Variants in STX18 observed in about 807,000 individuals in gnomAD.
STX18 encodes the protein syntaxin-18.
A neutral mutation model predicts 50.1 loss-of-function variants in STX18; 40 were observed. The ratio of observed to expected loss-of-function variants is 0.80; its 90% CI spans 0.62 to 1.04. The LOEUF (loss-of-function observed/expected upper bound fraction) is 1.04. Ranked by LOEUF, STX18 falls within the 50% of genes least tolerant of loss-of-function variation. The pLI, the probability that STX18 is intolerant of heterozygous loss-of-function variation, is 0.00. For synonymous variants in STX18, 158 were observed against 151.8 expected (o/e 1.04, Z -0.30); for missense variants, 410 against 415.8 (o/e 0.99, Z 0.12).
intron 5 of STX18, among the ~76,000 whole-genome samples, chr4:4,439,282 A>C (rs1577323177): frequency 8.4e-6 from 1 of 119,384 alleles, no homozygotes; most frequent in African/African-American, 6.0e-5. Flanking sequence ...ATAAACACAC[A>C]CACATATATA....
intron 1 of STX18, among the ~76,000 whole-genome samples, chr4:4,516,693 C>T (rs1422675364): frequency 1.3e-5 from 2 of 151,998 alleles, no homozygotes; most frequent in African/African-American, 2.4e-5. Context: ...TCTTGACTAA[C>T]GTGCTATGCA....
At chr4:4,475,767 A>G (rs1369925974) in intron 1 of STX18, among the ~76,000 whole-genome samples, 2 of 152,136 alleles carry the variant, frequency 1.3e-5, no homozygotes, top group Non-Finnish European at 2.9e-5. Flanking sequence ...GAGGTTAAGT[A>G]GTTGTATGCT....
At chr4:4,446,279 C>T (rs1226668201) in intron 5 of STX18, among the ~76,000 whole-genome samples, 1 of 152,006 alleles carries the variant, frequency 6.6e-6, no homozygotes, top group African/African-American at 2.4e-5. Flanking sequence ...AAAATAATAT[C>T]TTAGTGACCT....
chr4:4,524,187 T>C (rs1233657151), intron 1 of STX18, among the ~76,000 whole-genome samples: 1 of 152,226 alleles, frequency 6.6e-6, no homozygotes, highest in African/African-American at 2.4e-5. Flanking sequence ...TAATTCATTC[T>C]CAGAGATACC....
At chr4:4,433,126 T>G (rs1315089335) in intron 7 of STX18, among the ~76,000 whole-genome samples, 1 of 152,224 alleles carries the variant, frequency 6.6e-6, no homozygotes, top group Non-Finnish European at 1.5e-5. Context: ...GGCTTTAGTT[T>G]TTGTGCGTCA....
intron 7 of STX18, among the ~76,000 whole-genome samples, chr4:4,430,754 G>C (rs150793863): frequency 9.2e-5 from 14 of 152,316 alleles, no homozygotes; most frequent in African/African-American, 3.4e-4. Flanking sequence ...TGGTGGGAGG[G>C]AGTCACCATT....
Position 4,455,896 on chromosome 4 carries a change from A to G in STX18, c.497+1295T>C, listed in dbSNP as rs562178923. Among the ~76,000 whole-genome samples, 5 of 152,278 alleles carry G rather than the reference A, an allele frequency of 3.3e-5. No homozygotes were observed. In the South Asian group the frequency reaches 1.0e-3, roughly 32 times the overall value. On this transcript the variant is annotated intron_variant, in intron 5 of 10. Transcript: ENST00000306200. ...GTATCCTTTCAGTGTGACAAATCAT[A>G]GCCAGGAGCAGGACTGTATGTTGAG... is the stretch of plus-strand genomic sequence containing the variant.
intron 1 of STX18, among the ~76,000 whole-genome samples, chr4:4,536,262 A>G (rs1345814761): frequency 6.6e-6 from 1 of 152,264 alleles, no homozygotes; most frequent in Admixed American, 6.5e-5. Context: ...GAGACAGTAG[A>G]TTAACAGTTA....
At chr4:4,437,081 T>C (rs921189239) in intron 6 of STX18, among the ~76,000 whole-genome samples, 1 of 150,582 alleles carries the variant, frequency 6.6e-6, no homozygotes, top group Non-Finnish European at 1.5e-5. Context: ...TGCCTCAGCC[T>C]CCCCAGTAGC....
rs1724799236 is a variant in STX18 at position 4,419,414 on chromosome 4, A to ATTGAT, written c.*615_*619dup. 1 of 152,168 alleles carries ATTGAT rather than the reference A, an allele frequency of 6.6e-6. No individual in the cohort carries two copies. Among genetic ancestry groups the ATTGAT allele is most frequent in the Admixed American group, 6.5e-5 (1 of 15,282 alleles). The allele number at this position is 152,168 out of a possible 1,614,324, so 9.4% of individuals were successfully genotyped here. ...CTCCCCTGCATTTCTTCCCTGATTG[A>ATTGAT]TTGATAGGAGGTGGCTGGGCTGCCA... On this transcript the variant is annotated 3_prime_UTR_variant, in exon 11 of 11. Transcript: ENST00000306200.
chr4:4,439,298 A>G (rs1725972203), intron 5 of STX18, among the ~76,000 whole-genome samples: 2 of 149,564 alleles, frequency 1.3e-5, no homozygotes, highest in Non-Finnish European at 3.0e-5. Context: ...ATATACACAC[A>G]CATACCCACA....
chr4:4,482,047 G>T (rs1251002902), intron 1 of STX18, among the ~76,000 whole-genome samples: 2 of 151,880 alleles, frequency 1.3e-5, no homozygotes, highest in Non-Finnish European at 2.9e-5. Context: ...CTCCTTCCTT[G>T]TCCCCTCCTG....
intron 1 of STX18, among the ~76,000 whole-genome samples, chr4:4,502,966 A>G (rs1729525525): frequency 6.6e-6 from 1 of 152,198 alleles, no homozygotes; most frequent in Non-Finnish European, 1.5e-5. Flanking sequence ...AACAACGCTC[A>G]GAAATCCTGG....
chr4:4,457,212 CTT>C lies in STX18; in HGVS notation c.474_475del (p.Arg159SerfsTer4), dbSNP rs1469731822. 10 of 1,614,040 alleles carry C rather than the reference CTT, an allele frequency of 6.2e-6. No homozygotes were observed. Among genetic ancestry groups the C allele is most frequent in the Non-Finnish European group, 1.7e-6 (2 of 1,180,006 alleles). On this transcript the variant is annotated frameshift_variant, in exon 5 of 11. Coordinates refer to ENST00000306200, the MANE Select transcript of STX18 (RefSeq NM_016930.4). LOFTEE classifies it high-confidence loss of function. Reference sequence around the variant, plus strand: ...TTACAATCTTTTCTTATCCACCACTCTTTTAACTCGGATGGCTCTCTGTTCTG... The same window carrying C: ...TTACAATCTTTTCTTATCCACCACTCTTAACTCGGATGGCTCTCTGTTCTG...
At chr4:4,421,650 G>A (rs1347463038) in intron 9 of STX18, among the ~76,000 whole-genome samples, 1 of 152,212 alleles carries the variant, frequency 6.6e-6, no homozygotes, top group African/African-American at 2.4e-5. Flanking sequence ...GCTATTGTTT[G>A]TGGAGCAGCC....
chr4:4,477,104 G>A (rs1050214170), intron 1 of STX18, among the ~76,000 whole-genome samples: 13 of 151,844 alleles, frequency 8.6e-5, no homozygotes, highest in East Asian at 1.9e-4. Context: ...AAAACTAGCC[G>A]GTGACGCACA....
chr4:4,508,694 G>C (rs1729853599), intron 1 of STX18, among the ~76,000 whole-genome samples: 3 of 152,066 alleles, frequency 2.0e-5, no homozygotes, highest in Admixed American at 2.0e-4. Flanking sequence ...TACTCTTCCT[G>C]ATGCTCTCCC....
At chr4:4,521,821 A>G (rs1340273817) in intron 1 of STX18, among the ~76,000 whole-genome samples, 1 of 152,222 alleles carries the variant, frequency 6.6e-6, no homozygotes, top group Non-Finnish European at 1.5e-5. Context: ...CCTTTAATCA[A>G]TGCCTCATGA....
At chr4:4,514,507 C>T (rs1041823608) in intron 1 of STX18, among the ~76,000 whole-genome samples, 1 of 152,168 alleles carries the variant, frequency 6.6e-6, no homozygotes, top group African/African-American at 2.4e-5. Context: ...TCACTCCTAC[C>T]TTTCAATACT....
Sources: allele counts gnomAD v4.1 joint callset (sites outside exome capture counted in the v4.1 genomes callset), GRCh38; gene constraint gnomAD v4.1.1; transcripts MANE v1.5; gene names NCBI Gene and HGNC (gene_info 2026-07-23, HGNC 2026-07-21).